The following SHROOM4 variants were observed in gnomAD, a reference collection of about 807,000 sequenced individuals.
SHROOM4 encodes protein Shroom4.
Under a neutral mutation model 80.3 loss-of-function variants are expected in SHROOM4, and 17 were observed. The ratio of observed to expected loss-of-function variants is 0.21; its 90% CI spans 0.14 to 0.32. The LOEUF (loss-of-function observed/expected upper bound fraction) is 0.32. Among genes scored for constraint, SHROOM4 ranks in the 10% least tolerant of loss-of-function variants. SHROOM4 has a pLI of 1.00. For missense variants in SHROOM4, 993 were observed against 1,140.3 expected, an observed-to-expected ratio of 0.87 and a Z score of 1.86; for synonymous variants, 400 against 437.5, an observed-to-expected ratio of 0.91 and a Z score of 1.07.
chrX:50,638,739 A>G (rs925220043), intron 2 of SHROOM4, among the ~76,000 whole-genome samples: 3 of 112,766 alleles, frequency 2.7e-5, no homozygotes, highest in African/African-American at 9.7e-5. Flanking sequence ...CTGGGCTGTC[A>G]ATTCTCCAAT....
chrX:50,730,129 T>C (rs1039753880), intron 1 of SHROOM4, among the ~76,000 whole-genome samples: 4 of 112,162 alleles, frequency 3.6e-5, no homozygotes, highest in Non-Finnish European at 7.5e-5. Flanking sequence ...TCTTAACTGA[T>C]TTAAAAAGCA....
chrX:50,601,894 G>A (rs1301422604), intron 7 of SHROOM4, among the ~76,000 whole-genome samples: 1 of 111,250 alleles, frequency 9.0e-6, no homozygotes, highest in Non-Finnish European at 1.9e-5. Context: ...AAACTCTGAT[G>A]TGCCCTGGGT....
rs782543450 is a variant in SHROOM4, at chrX:50,785,337, TGACTGTTCA to T, written c.117+28556_117+28564del. On this transcript the variant is annotated intron_variant, in intron 1 of 8. Transcript: ENST00000376020. ...GTATATGTTCACACAGACTTATATG[TGACTGTTCA>T]TAGCAGCTTTATTCATAATAGCTAT... 5.3e-3 allele frequency among the ~76,000 whole-genome samples: 592 copies of T among 111,820 alleles called. 4 individuals are homozygous for T. The highest frequency in any genetic ancestry group is 0.013 in the South Asian group (33 of 2,635).
intron 5 of SHROOM4, among the ~76,000 whole-genome samples, chrX:50,613,272 C>T (rs893360507): frequency 9.0e-6 from 1 of 111,183 alleles, no homozygotes; most frequent in Non-Finnish European, 1.9e-5. Context: ...CACCACCATA[C>T]CCGGCTAATT....
At chrX:50,792,365 G>A (rs1443419819) in intron 1 of SHROOM4, among the ~76,000 whole-genome samples, 6 of 110,694 alleles carry the variant, frequency 5.4e-5, no homozygotes, top group Non-Finnish European at 1.1e-4. Context: ...AATTAGCCAA[G>A]TGTGGTGGTG....
intron 4 of SHROOM4, among the ~76,000 whole-genome samples, chrX:50,632,850 A>T (rs1191155673): frequency 2.7e-5 from 3 of 111,656 alleles, no homozygotes; most frequent in Non-Finnish European, 3.8e-5. Context: ...CAGAAAAATT[A>T]TTTTTTCCCT....
rs372500142 is a variant in SHROOM4 at position 50,633,197 on chromosome X, G to T, written c.2876C>A (p.Pro959His). 6.6e-6 allele frequency: 8 copies of T among 1,209,209 alleles called. No homozygotes were observed. The highest frequency in any genetic ancestry group is 8.9e-6 in the Non-Finnish European group (8 of 894,936). The change falls in exon 4 of 9, where the codon CCC becomes CAC. Residue 959 changes from proline (P) to histidine (H), a missense_variant. By Grantham distance (77) the Pro-to-His change is moderately conservative. Transcript: ENST00000376020. The part of the protein sequence containing the change: ...SSLAPGNTWK[P>H]RKLTVQEFPG... ...CCTCACCTGCACTGTCAGCTTCCTGGGTTTCCAAGTGTTGCCAGGTGCCAA... is the reference window on the plus strand; with the variant it reads ...CCTCACCTGCACTGTCAGCTTCCTGTGTTTCCAAGTGTTGCCAGGTGCCAA...
At chrX:50,735,687 T>C (rs1241442346) in intron 1 of SHROOM4, among the ~76,000 whole-genome samples, 5 of 110,641 alleles carry the variant, frequency 4.5e-5, no homozygotes, top group African/African-American at 1.6e-4. Context: ...AAACAATATA[T>C]ATAAATGGCC....
rs1930248619 is a variant in SHROOM4 at position 50,616,624 on chromosome X, C to CA, written c.2958-8441dup. 4.5e-5 allele frequency among the ~76,000 whole-genome samples: 5 copies of CA among 111,571 alleles called. No individual in the cohort carries two copies. The South Asian group carries it at 1.9e-3, about 42-fold the overall frequency. The stretch of plus-strand genomic sequence containing the variant: ...AAAGTGGCTCCTCATTAGAATTACC[C>CA]AGGAAGTTGTTTAAAATGCAAATTC... On this transcript the variant is annotated intron_variant, in intron 5 of 8. Coordinates refer to ENST00000376020, the MANE Select transcript of SHROOM4 (RefSeq NM_020717.5).
intron 1 of SHROOM4, among the ~76,000 whole-genome samples, chrX:50,787,764 G>A (rs782189438): frequency 2.1e-3 from 61 of 28,921 alleles, no homozygotes; most frequent in African/African-American, 5.8e-3. Context: ...TATTCAAAGC[G>A]CTAAAAGAAA....
chrX:50,578,982 T>C, the SHROOM4 span, among the ~76,000 whole-genome samples: 442 of 111,785 alleles, frequency 4.0e-3, 2 homozygotes, highest in African/African-American at 0.014. Context: ...AAAGTGTATA[T>C]CCATAGTAAC....
chrX:50,611,172 G>A (rs1280868113), intron 5 of SHROOM4, among the ~76,000 whole-genome samples: 1 of 45,041 alleles, frequency 2.2e-5, no homozygotes, highest in African/African-American at 1.2e-4. Flanking sequence ...TTTTTGAGAC[G>A]GAGTCTCGCT....
At chrX:50,777,018 T>A (rs1391672773) in intron 1 of SHROOM4, among the ~76,000 whole-genome samples, 2 of 111,156 alleles carry the variant, frequency 1.8e-5, no homozygotes, top group Non-Finnish European at 3.8e-5. Context: ...CATAAACTAG[T>A]GTTTTGATTT....
intron 1 of SHROOM4, among the ~76,000 whole-genome samples, chrX:50,734,564 C>G (rs1199077484): frequency 9.0e-6 from 1 of 110,968 alleles, no homozygotes; most frequent in African/African-American, 3.3e-5. Flanking sequence ...CAGGTACCCA[C>G]CACCACGCCT....
intron 2 of SHROOM4, among the ~76,000 whole-genome samples, chrX:50,647,812 G>T (rs983160387): frequency 3.6e-5 from 4 of 111,153 alleles, no homozygotes; most frequent in African/African-American, 1.3e-4. Flanking sequence ...ACCAACAACA[G>T]TTAGGACCCC....
At chrX:50,605,319 C>A (rs2147224851) in intron 6 of SHROOM4, among the ~76,000 whole-genome samples, 1 of 112,116 alleles carries the variant, frequency 8.9e-6, no homozygotes, top group African/African-American at 3.2e-5. Context: ...TAGAACAATG[C>A]AGGGCACATA....
At chrX:50,612,173 T>C (rs1201373615) in intron 5 of SHROOM4, among the ~76,000 whole-genome samples, 1 of 107,878 alleles carries the variant, frequency 9.3e-6, no homozygotes, top group Non-Finnish European at 1.9e-5. Context: ...GATTAACCAC[T>C]TGCTAATCTA....
chrX:50,743,106 A>AGTGT (rs56291087), intron 1 of SHROOM4, among the ~76,000 whole-genome samples: 9 of 98,262 alleles, frequency 9.2e-5, no homozygotes, highest in African/African-American at 3.3e-4. Context: ...CCCATTCAGT[A>AGTGT]GTGTGTGTGT....
intron 2 of SHROOM4, among the ~76,000 whole-genome samples, chrX:50,664,044 CCATATTAAG>C (rs1932607160): frequency 8.9e-6 from 1 of 112,161 alleles, no homozygotes; most frequent in Admixed American, 9.5e-5. Flanking sequence ...CTCTCAAATG[CCATATTAAG>C]AACAACAATA....
Sources: allele counts gnomAD v4.1 joint callset (sites outside exome capture counted in the v4.1 genomes callset), GRCh38; gene constraint gnomAD v4.1.1; transcripts MANE v1.5; gene names NCBI Gene and HGNC (gene_info 2026-07-23, HGNC 2026-07-21).